The following CNTNAP5 variants were observed in gnomAD, a reference collection of about 807,000 sequenced individuals.
CNTNAP5 encodes contactin associated protein family member 5.
In CNTNAP5, 72 loss-of-function variants were observed where a neutral mutation model predicts 150.2. The observed-to-expected ratio is 0.48, with a 90% confidence interval of 0.40 to 0.58. The LOEUF is 0.58. Among genes scored for constraint, CNTNAP5 ranks in the 20% least tolerant of loss-of-function variants. The probability of loss-of-function intolerance (pLI) is 0.00; values close to 1 mark genes in which losing one functional copy is unlikely to be tolerated. For missense variants in CNTNAP5, 1,636 were observed against 1,626.2 expected, an observed-to-expected ratio of 1.01 and a Z score of -0.10; for synonymous variants, 672 against 619.8, an observed-to-expected ratio of 1.08 and a Z score of -1.25.
chr2:124,287,843 T>G (rs1688192927), intron 3 of CNTNAP5, among the ~76,000 whole-genome samples: 1 of 152,232 alleles, frequency 6.6e-6, no homozygotes, highest in South Asian at 2.1e-4. Flanking sequence ...CTTTTTTGCT[T>G]TAGTGTTCAG....
At chr2:124,713,301 C>CTTTCT (rs1421553026) in intron 13 of CNTNAP5, among the ~76,000 whole-genome samples, 1 of 76,968 alleles carries the variant, frequency 1.3e-5, no homozygotes, top group East Asian at 4.4e-4. Context: ...TTCTTTCTTT[C>CTTTCT]TTCTTTCTCT....
rs749556691 is a variant in CNTNAP5 at position 124,527,292 on chromosome 2, C to T, written c.1485C>T (p.Pro495=). 127 of 1,612,680 alleles carry T rather than the reference C, an allele frequency of 7.9e-5. No homozygotes were observed. Among genetic ancestry groups the T allele is most frequent in the Middle Eastern group, 1.7e-4 (1 of 6,026 alleles). The change falls in exon 10 of 24, where the codon CCC becomes CCT. Residue 495 remains proline, a synonymous_variant. Coordinates refer to ENST00000682447, the MANE Select transcript of CNTNAP5 (RefSeq NM_001367498.1). ...TTTTTCTCTGTCCCACAGGGTGCCC[C>T]GACAATCTCACCGATTCCCAATGTT... ...SGNSYYFGGC[P]DNLTDSQCLN... is the part of the protein sequence containing the mutation.
chr2:124,402,359 A>G (rs1304805956), intron 3 of CNTNAP5, among the ~76,000 whole-genome samples: 1 of 152,170 alleles, frequency 6.6e-6, no homozygotes, highest in Non-Finnish European at 1.5e-5. Context: ...GCATAAACAA[A>G]TACACCTTCA....
At chr2:124,778,922 T>A (rs1681386997) in intron 17 of CNTNAP5, among the ~76,000 whole-genome samples, 1 of 152,012 alleles carries the variant, frequency 6.6e-6, no homozygotes, top group African/African-American at 2.4e-5. Flanking sequence ...GGGAAGGTGA[T>A]TTTGTAGAAG....
chr2:124,585,229 G>A lies in CNTNAP5; in HGVS notation c.1756+21906G>A, dbSNP rs531870218. Among the ~76,000 whole-genome samples, 3 of 152,266 alleles carry A rather than the reference G, an allele frequency of 2.0e-5. No homozygotes were observed. The East Asian group carries it at 5.8e-4, about 29-fold the overall frequency. ...TCCATTTCCTTTCAGGTCCTGGGGA[G>A]GCTCTTTTCAGCTGATAGAGAGAGA... On this transcript the variant is annotated intron_variant, in intron 11 of 23. Coordinates refer to ENST00000682447, the MANE Select transcript of CNTNAP5 (RefSeq NM_001367498.1).
intron 3 of CNTNAP5, among the ~76,000 whole-genome samples, chr2:124,246,135 T>C (rs1687017191): frequency 6.6e-6 from 1 of 152,102 alleles, no homozygotes; most frequent in African/African-American, 2.4e-5. Flanking sequence ...TAAAATTGAT[T>C]TACCAAACAA....
chr2:124,273,928 C>T (rs892484502), intron 3 of CNTNAP5, among the ~76,000 whole-genome samples: 1 of 152,100 alleles, frequency 6.6e-6, no homozygotes, highest in Non-Finnish European at 1.5e-5. Context: ...AGAAGAGGTA[C>T]AAATTTGTGT....
At chr2:124,537,123 T>A (rs1426502105) in intron 10 of CNTNAP5, among the ~76,000 whole-genome samples, 1 of 152,130 alleles carries the variant, frequency 6.6e-6, no homozygotes, top group Non-Finnish European at 1.5e-5. Context: ...AACTCCATTT[T>A]ACACACAATA....
intron 6 of CNTNAP5, among the ~76,000 whole-genome samples, chr2:124,469,845 A>G (rs1693462671): frequency 6.6e-6 from 1 of 152,078 alleles, no homozygotes; most frequent in Non-Finnish European, 1.5e-5. Context: ...CTGTTCCTGC[A>G]TTAGTTTGAT....
At chr2:124,510,329 A>ATATCTATCTATC (rs1694544038) in intron 8 of CNTNAP5, among the ~76,000 whole-genome samples, 1 of 100,396 alleles carries the variant, frequency 1.0e-5, no homozygotes, top group Non-Finnish European at 2.0e-5. Flanking sequence ...ATCTATCTAT[A>ATATCTATCTATC]TATATATCTC....
chr2:124,549,803 T>TG (rs1161251326), intron 10 of CNTNAP5, among the ~76,000 whole-genome samples: 1 of 152,256 alleles, frequency 6.6e-6, no homozygotes, highest in Admixed American at 6.5e-5. Context: ...TGCTAACACT[T>TG]GCTATGATAC....
At chr2:124,352,161 C>G (rs7560392) in intron 3 of CNTNAP5, among the ~76,000 whole-genome samples, 3 of 151,744 alleles carry the variant, frequency 2.0e-5, no homozygotes, top group African/African-American at 7.3e-5. Context: ...GACCTTGCCT[C>G]ATTTCATCAA....
At chr2:124,599,162 T>G (rs184449431) in intron 11 of CNTNAP5, among the ~76,000 whole-genome samples, 1 of 152,144 alleles carries the variant, frequency 6.6e-6, no homozygotes, top group Middle Eastern at 3.2e-3. Flanking sequence ...CCATCTTGGC[T>G]CCTCCCACCT....
chr2:124,673,467 A>T (rs1322760046), intron 13 of CNTNAP5, among the ~76,000 whole-genome samples: 1 of 150,824 alleles, frequency 6.6e-6, no homozygotes, highest in Non-Finnish European at 1.5e-5. Flanking sequence ...CCTAGCTCTC[A>T]TCTTGATTTC....
chr2:124,624,952 T>C (rs1044124502), intron 12 of CNTNAP5, among the ~76,000 whole-genome samples: 1 of 152,164 alleles, frequency 6.6e-6, no homozygotes, highest in African/African-American at 2.4e-5. Flanking sequence ...GTTACAGAGA[T>C]AGGCACCATC....
In CNTNAP5 at chr2:124,411,279, A is replaced by C. The variant is rs1691754752; in HGVS notation, c.382-6164A>C. 2.6e-5 allele frequency among the ~76,000 whole-genome samples: 4 copies of C among 152,302 alleles called. No individual in the cohort carries two copies. In the South Asian group the frequency reaches 8.3e-4, roughly 32 times the overall value. Reference sequence around the variant, plus strand: ...AGAGTCCAGGACCAGATGGATTCACAGCCAAATTCTATCAGAGGTACAAGG... The same window carrying C: ...AGAGTCCAGGACCAGATGGATTCACCGCCAAATTCTATCAGAGGTACAAGG... On this transcript the variant is annotated intron_variant, in intron 3 of 23. Coordinates refer to ENST00000682447, the MANE Select transcript of CNTNAP5 (RefSeq NM_001367498.1).
chr2:124,316,835 GAAAAAAAAGAAAA>G (rs1322962639), intron 3 of CNTNAP5, among the ~76,000 whole-genome samples: 10 of 130,534 alleles, frequency 7.7e-5, no homozygotes, highest in Non-Finnish European at 1.5e-4. Flanking sequence ...AAAAGAAAAA[GAAAAAAAAGAAAA>G]GAAAAGAAAG....
At chr2:124,804,249 G>A (rs966485734) in intron 19 of CNTNAP5, among the ~76,000 whole-genome samples, 1 of 152,158 alleles carries the variant, frequency 6.6e-6, no homozygotes, top group Admixed American at 6.5e-5. Context: ...TCCTAGGGAA[G>A]GTCAATGGAT....
At chr2:124,387,452 C>T (rs770290431) in intron 3 of CNTNAP5, among the ~76,000 whole-genome samples, 27 of 152,086 alleles carry the variant, frequency 1.8e-4, no homozygotes, top group Admixed American at 6.5e-4. Flanking sequence ...GGGCTGAATC[C>T]GAAAAGAGAG....
Sources: gnomAD v4.1 joint callset for allele counts (sites outside exome capture counted in the v4.1 genomes callset) on GRCh38, gnomAD v4.1.1 for gene constraint, MANE v1.5 for transcripts, NCBI Gene and HGNC (gene_info 2026-07-23, HGNC 2026-07-21) for gene names.